The following SPAG17 variants were observed in gnomAD, a reference collection of about 807,000 sequenced individuals.
The protein encoded by SPAG17 is sperm-associated antigen 17.
SPAG17 carries 169 observed loss-of-function variants against 273.6 expected under a neutral mutation model. The observed-to-expected ratio is 0.62, with a 90% CI of 0.55 to 0.70. SPAG17 has a LOEUF of 0.70. Among genes scored for constraint, SPAG17 ranks in the 30% least tolerant of loss-of-function variants. SPAG17 has a pLI of 0.00. For missense variants in SPAG17, 2,557 were observed against 2,627.8 expected (o/e 0.97, Z 0.59); for synonymous variants, 825 against 873.2 (o/e 0.94, Z 0.97).
chr1:118,142,172 A>C (rs965227878), intron 3 of SPAG17, among the ~76,000 whole-genome samples: 1 of 152,250 alleles, frequency 6.6e-6, no homozygotes, highest in Admixed American at 6.5e-5. Context: ...AAGTTCTGAC[A>C]CATGGTACAA....
chr1:118,034,404 C>A (rs1320912412), intron 24 of SPAG17, among the ~76,000 whole-genome samples: 3 of 152,186 alleles, frequency 2.0e-5, no homozygotes, highest in Admixed American at 6.5e-5. Context: ...CCTTTCTATG[C>A]TTTTACACTA....
chr1:118,091,689 T>C lies in SPAG17; in HGVS notation c.1276A>G (p.Met426Val). ...VTSVITTEVD[M>V]RYYNYLLNPI... ...TTCAGCAAATAATTGTAATATCTCA[T>C]GTCTACTTCAGTTGTGATGACTGAA... The change falls in exon 10 of 49, where the codon ATG becomes GTG. Residue 426 changes from methionine to valine, a missense_variant. Transcript: ENST00000336338. The C allele has an allele frequency of 6.2e-7, 1 of 1,611,186 alleles. No homozygotes were observed. Among genetic ancestry groups the C allele is most frequent in the South Asian group, 1.1e-5 (1 of 90,966 alleles).
At chr1:118,125,251 G>T (rs1248476642) in intron 3 of SPAG17, among the ~76,000 whole-genome samples, 1 of 136,128 alleles carries the variant, frequency 7.3e-6, no homozygotes, top group African/African-American at 3.5e-5. Context: ...ATATATTTTT[G>T]ACATATAATA....
chr1:118,127,689 G>T (rs1657815886), intron 3 of SPAG17, among the ~76,000 whole-genome samples: 1 of 152,130 alleles, frequency 6.6e-6, no homozygotes, highest in African/African-American at 2.4e-5. Flanking sequence ...GACTGCTTTG[G>T]GTAGTATGGT....
chr1:117,996,372 G>T lies in SPAG17; in HGVS notation c.5051C>A (p.Pro1684Gln). Reference sequence around the variant, plus strand: ...TCCAGACAGTATGGGTCCTCTACCTGGCTGTTCCTGCACTGGCTCTTGGAG... The same window carrying T: ...TCCAGACAGTATGGGTCCTCTACCTTGCTGTTCCTGCACTGGCTCTTGGAG... ...VVLQEPVQEQPGTLTITVLRP... is the reference protein window; with the variant it reads ...VVLQEPVQEQQGTLTITVLRP... The change falls in exon 34 of 49, where the codon CCA (proline) becomes CAA (glutamine). Residue 1684 changes from proline to glutamine, a missense_variant and splice_region_variant. Pro to Gln is a moderately conservative substitution (Grantham distance 76). Coordinates refer to ENST00000336338, the MANE Select transcript of SPAG17 (RefSeq NM_206996.4). 2.5e-6 allele frequency: 4 copies of T among 1,611,164 alleles called. No homozygotes were observed. Among genetic ancestry groups the T allele is most frequent in the Non-Finnish European group, 3.4e-6 (4 of 1,178,472 alleles).
chr1:118,063,156 T>C lies in SPAG17; in HGVS notation c.2540+3589A>G, dbSNP rs939854244. On this transcript the variant is annotated intron_variant, in intron 18 of 48. Transcript: ENST00000336338. Reference sequence around the variant, plus strand: ...ATCAGTATCGTGAAAATGGCCATACTGCCCAAGGTAATTTATAGATTCAAT... The same window carrying C: ...ATCAGTATCGTGAAAATGGCCATACCGCCCAAGGTAATTTATAGATTCAAT... Among the ~76,000 whole-genome samples, 19 of 152,196 alleles carry C rather than the reference T, an allele frequency of 1.2e-4. 1 individual carries two copies. Among genetic ancestry groups the C allele is most frequent in the Admixed American group, 1.2e-3 (19 of 15,284 alleles).
At chr1:117,970,814 AT>A (rs879733833) in intron 45 of SPAG17, among the ~76,000 whole-genome samples, 1 of 152,150 alleles carries the variant, frequency 6.6e-6, no homozygotes, top group Non-Finnish European at 1.5e-5. Context: ...CAAAACTAAA[AT>A]TTTATACTGG....
intron 4 of SPAG17, among the ~76,000 whole-genome samples, chr1:118,104,221 T>C (rs544687919): frequency 6.6e-6 from 1 of 152,336 alleles, no homozygotes; most frequent in African/African-American, 2.4e-5. Context: ...GTATCTTGGA[T>C]ATTGAAACTT....
At chr1:118,175,955 T>C (rs981927275) in intron 1 of SPAG17, among the ~76,000 whole-genome samples, 1 of 152,132 alleles carries the variant, frequency 6.6e-6, no homozygotes, top group African/African-American at 2.4e-5. Context: ...AATATGCAAA[T>C]TGAGACAACA....
At chr1:118,040,446 G>A (rs1557944305) in intron 22 of SPAG17, among the ~76,000 whole-genome samples, 2 of 152,088 alleles carry the variant, frequency 1.3e-5, no homozygotes, top group Non-Finnish European at 2.9e-5. Flanking sequence ...GCTTATTGCA[G>A]TTACTATTAC....
intron 9 of SPAG17, 60 bp downstream of exon 9, chr1:118,091,870 A>T: frequency 6.5e-7 from 1 of 1,543,594 alleles, no homozygotes; most frequent in South Asian, 1.1e-5. Context: ...GAGGGCAGTC[A>T]TTATCTCTTA....
Position 117,996,429 on chromosome 1 carries a change from G to C in SPAG17, c.4994C>G (p.Ser1665Cys), listed in dbSNP as rs1180782346. ...LRDSDIEEYL[S>C]LAYKESNTVV... ...AGTATTTGATTCTTTATATGCCAAA[G>C]ATAGATATTCTTCTATGTCACTGTC... is the stretch of plus-strand genomic sequence containing the variant. Residue 1665 changes from serine to cysteine, a missense_variant, in exon 34 of 49, where the codon TCT (serine) becomes TGT (cysteine). By Grantham distance (112) the Ser-to-Cys change is moderately radical. Transcript: ENST00000336338. The C allele has an allele frequency of 6.2e-7, 1 of 1,613,118 alleles. No individual in the cohort carries two copies. The highest frequency in any genetic ancestry group is 1.3e-5 in the African/African-American group (1 of 74,974).
chr1:118,103,272 G>A (rs1341201666), intron 4 of SPAG17, among the ~76,000 whole-genome samples: 6 of 152,170 alleles, frequency 3.9e-5, no homozygotes, highest in Non-Finnish European at 7.3e-5. Context: ...AGCTTGCCAG[G>A]CTTTACACAC....
At chr1:118,094,928 G>A (rs1655612607) in intron 7 of SPAG17, among the ~76,000 whole-genome samples, 2 of 152,158 alleles carry the variant, frequency 1.3e-5, no homozygotes, top group South Asian at 4.1e-4. Flanking sequence ...ATCAGTCTGG[G>A]AAGCTGGGCA....
chr1:117,979,295 A>G (rs974766884), intron 43 of SPAG17, among the ~76,000 whole-genome samples: 1 of 152,126 alleles, frequency 6.6e-6, no homozygotes, highest in Non-Finnish European at 1.5e-5. Flanking sequence ...CCACTTGTGA[A>G]CTCATCAAAA....
intron 24 of SPAG17, among the ~76,000 whole-genome samples, chr1:118,033,504 CT>C (rs2101892730): frequency 6.6e-6 from 1 of 152,310 alleles, no homozygotes; most frequent in Admixed American, 6.5e-5. Flanking sequence ...CCCATAATTG[CT>C]TGCTGGGTCT....
intron 32 of SPAG17, among the ~76,000 whole-genome samples, chr1:118,002,661 G>A (rs1018448446): frequency 1.3e-5 from 2 of 149,750 alleles, no homozygotes; most frequent in African/African-American, 4.9e-5. Context: ...CTTTTTTTTT[G>A]TCTTTCCATT....
intron 47 of SPAG17, chr1:117,965,790 T>A (rs1260508474): frequency 6.6e-6 from 1 of 152,202 alleles, no homozygotes; most frequent in Non-Finnish European, 1.5e-5. Context: ...GCTTAAATAA[T>A]AAAATTCAAG....
At chr1:118,110,362 G>T (rs1314365618) in intron 4 of SPAG17, among the ~76,000 whole-genome samples, 1 of 152,022 alleles carries the variant, frequency 6.6e-6, no homozygotes, top group Non-Finnish European at 1.5e-5. Context: ...GAAAAAAACA[G>T]AAAGAAAAAT....
Sources: gnomAD v4.1 joint callset for allele counts (sites outside exome capture counted in the v4.1 genomes callset) on GRCh38, gnomAD v4.1.1 for gene constraint, MANE v1.5 for transcripts, NCBI Gene and HGNC (gene_info 2026-07-23, HGNC 2026-07-21) for gene names.